SUPT3H: variants seen among roughly 807,000 people sequenced by gnomAD.
SUPT3H encodes the protein transcription initiation protein SPT3 homolog.
Under a neutral mutation model 44.3 loss-of-function variants are expected in SUPT3H, and 44 were observed. The ratio of observed to expected loss-of-function variants is 0.99; its 90% CI spans 0.78 to 1.28. SUPT3H has a LOEUF of 1.28. Among genes scored for constraint, SUPT3H ranks in the 50% most tolerant of loss-of-function variants. SUPT3H has a pLI of 0.00. For synonymous variants in SUPT3H, 124 were observed against 125.6 expected (o/e 0.99, Z 0.09); for missense variants, 380 against 387.1 (o/e 0.98, Z 0.15).
At chr6:45,153,806 G>A (rs570116679) in intron 2 of SUPT3H, among the ~76,000 whole-genome samples, 2 of 152,082 alleles carry the variant, frequency 1.3e-5, no homozygotes, top group African/African-American at 2.4e-5. Flanking sequence ...GGTGGCTCAC[G>A]CCTGTAATCC....
At chr6:45,222,500 AG>A (rs1386918744) in intron 2 of SUPT3H, among the ~76,000 whole-genome samples, 1 of 152,182 alleles carries the variant, frequency 6.6e-6, no homozygotes, top group Non-Finnish European at 1.5e-5. Flanking sequence ...TTATCACTAC[AG>A]GACCATCAGA....
intron 10 of SUPT3H, among the ~76,000 whole-genome samples, chr6:44,926,873 A>T (rs531474427): frequency 6.6e-6 from 1 of 152,330 alleles, no homozygotes; most frequent in South Asian, 2.1e-4. Flanking sequence ...ATAATATTCA[A>T]CGCTGATTTG....
intron 2 of SUPT3H, among the ~76,000 whole-genome samples, chr6:45,218,560 C>T (rs1195843859): frequency 6.6e-6 from 1 of 152,044 alleles, no homozygotes; most frequent in Non-Finnish European, 1.5e-5. Flanking sequence ...AGAAACCCCA[C>T]CTCTACTAAA....
At chr6:44,905,187 A>C (rs1765794077) in intron 10 of SUPT3H, among the ~76,000 whole-genome samples, 1 of 152,108 alleles carries the variant, frequency 6.6e-6, no homozygotes, top group African/African-American at 2.4e-5. Context: ...AATTAAACTA[A>C]AGAGCTTCTG....
At chr6:45,066,120 G>C (rs1254912926) in intron 3 of SUPT3H, among the ~76,000 whole-genome samples, 1 of 131,740 alleles carries the variant, frequency 7.6e-6, no homozygotes, top group Non-Finnish European at 1.6e-5. Context: ...CCATGATCAA[G>C]TGGGCTTCAT....
At chr6:45,173,249 A>T (rs1811128765) in intron 2 of SUPT3H, among the ~76,000 whole-genome samples, 1 of 152,228 alleles carries the variant, frequency 6.6e-6, no homozygotes, top group African/African-American at 2.4e-5. Flanking sequence ...AATCTTACAT[A>T]AACTTAAACA....
chr6:45,376,617 C>T (rs1183180497), intron 1 of SUPT3H, among the ~76,000 whole-genome samples: 3 of 152,166 alleles, frequency 2.0e-5, no homozygotes, highest in Admixed American at 2.0e-4. Flanking sequence ...TTCGCTCCAA[C>T]GTCCCGAATA....
At position 45,003,511 on chromosome 6, in the gene SUPT3H, C is replaced by T. The variant is rs936186613; in HGVS notation, c.504+142G>A. 4.5e-6 allele frequency: 4 copies of T among 894,648 alleles called. No homozygotes were observed. In the East Asian group the frequency reaches 8.3e-5, roughly 19 times the overall value. 55.4% of individuals were successfully genotyped at this position (894,648 alleles called of 1,614,324 possible). On this transcript the variant is annotated intron_variant, in intron 6 of 10. Coordinates refer to ENST00000371459, the MANE Select transcript of SUPT3H (RefSeq NM_003599.4). Reference sequence around the variant, plus strand: ...CTGACTCCCACTTCAGGGGCTGATCCTCTGCACATCGCTGCCATCAGACAT... The same window carrying T: ...CTGACTCCCACTTCAGGGGCTGATCTTCTGCACATCGCTGCCATCAGACAT...
intron 2 of SUPT3H, among the ~76,000 whole-genome samples, chr6:45,359,274 A>G (rs1295291313): frequency 6.6e-6 from 1 of 152,206 alleles, no homozygotes; most frequent in East Asian, 1.9e-4. Context: ...TCTGAAAGGA[A>G]AAAAGACTTT....
At chr6:44,920,242 T>C (rs1768469150) in intron 10 of SUPT3H, among the ~76,000 whole-genome samples, 1 of 151,964 alleles carries the variant, frequency 6.6e-6, no homozygotes, top group Admixed American at 6.6e-5. Flanking sequence ...TAAAAAAATC[T>C]GAAATAGCTC....
intron 2 of SUPT3H, among the ~76,000 whole-genome samples, chr6:45,296,733 T>A (rs1781298565): frequency 2.0e-5 from 1 of 51,222 alleles, no homozygotes; most frequent in African/African-American, 6.3e-5. Context: ...AGTAAGACTC[T>A]GTCTCAAAAA....
At chr6:45,071,443 A>G (rs1794367461) in intron 3 of SUPT3H, among the ~76,000 whole-genome samples, 1 of 152,092 alleles carries the variant, frequency 6.6e-6, no homozygotes. Flanking sequence ...CTGCAATCTG[A>G]GTCCTTATTA....
At chr6:45,304,931 C>T (rs918869659) in intron 2 of SUPT3H, among the ~76,000 whole-genome samples, 3 of 152,162 alleles carry the variant, frequency 2.0e-5, no homozygotes, top group African/African-American at 7.2e-5. Context: ...TTTTTACAAA[C>T]AGTTGATTAC....
At chr6:45,020,729 A>G in intron 3 of SUPT3H, 97 bp from the exon 4 acceptor site, 1 of 766,916 alleles carries the variant, frequency 1.3e-6, no homozygotes, top group African/African-American at 1.8e-5. Flanking sequence ...CTAAGAGTTA[A>G]AAACCTTTGG....
In SUPT3H at chr6:44,884,882, G is replaced by A. The variant is rs1048534609; in HGVS notation, c.912+47771C>T. Among the ~76,000 whole-genome samples, 112 of 152,134 alleles carry A rather than the reference G, an allele frequency of 7.4e-4. 1 individual carries two copies. Among genetic ancestry groups the A allele is most frequent in the Non-Finnish European group, 2.2e-4 (15 of 68,020 alleles). ...CTAGTCAAAGAAAGGGGTGACAGAC[G>A]GCACCTCGAAAATCGGGTCACTCCC... On this transcript the variant is annotated intron_variant, in intron 10 of 10. Transcript: ENST00000371459.
At chr6:44,930,023 G>A (rs1220816753) in intron 10 of SUPT3H, among the ~76,000 whole-genome samples, 3 of 151,930 alleles carry the variant, frequency 2.0e-5, no homozygotes, top group Non-Finnish European at 2.9e-5. Context: ...CGAGGTGGGT[G>A]GATCACCTGA....
At chr6:45,203,833 C>A (rs1244418923) in intron 2 of SUPT3H, among the ~76,000 whole-genome samples, 1 of 152,168 alleles carries the variant, frequency 6.6e-6, no homozygotes, top group East Asian at 1.9e-4. Flanking sequence ...GAAAGCCCCC[C>A]TTGACCATCC....
chr6:45,289,817 T>A (rs927954845), intron 2 of SUPT3H, among the ~76,000 whole-genome samples: 1 of 152,188 alleles, frequency 6.6e-6, no homozygotes, highest in African/African-American at 2.4e-5. Flanking sequence ...CAAAAAATGG[T>A]ACGTCAGCTG....
In SUPT3H at chr6:45,246,971, G is replaced by C. The variant is rs1292254685; in HGVS notation, c.101+118230C>G. Among the ~76,000 whole-genome samples the C allele has an allele frequency of 2.6e-5, 4 of 151,998 alleles. No individual in the cohort carries two copies. In the South Asian group the frequency reaches 8.3e-4, roughly 32 times the overall value. On this transcript the variant is annotated intron_variant, in intron 2 of 10. Coordinates refer to ENST00000371459, the MANE Select transcript of SUPT3H (RefSeq NM_003599.4). The stretch of plus-strand genomic sequence containing the variant: ...AGTAAGCAGAAGGAAAGATATAATT[G>C]AGACAGAAATCAATGATATTGAAAA...
Sources: gnomAD v4.1 joint callset for allele counts (sites outside exome capture counted in the v4.1 genomes callset) on GRCh38, gnomAD v4.1.1 for gene constraint, MANE v1.5 for transcripts, NCBI Gene and HGNC (gene_info 2026-07-23, HGNC 2026-07-21) for gene names.